TENM2: variants seen among roughly 807,000 people sequenced by gnomAD.
TENM2 encodes the protein teneurin transmembrane protein 2, also known as teneurin-2.
TENM2 carries 52 observed loss-of-function variants against 245.2 expected under a neutral mutation model. The observed-to-expected ratio is 0.21, with a 90% CI of 0.17 to 0.27. TENM2 has a LOEUF of 0.27. Ranked by LOEUF, TENM2 falls within the 10% of genes least tolerant of loss-of-function variation. The pLI is 1.00. For synonymous variants in TENM2, 1,363 were observed against 1,438.9 expected (o/e 0.95, Z 1.19); for missense variants, 3,046 against 3,666.8 (o/e 0.83, Z 4.37).
At chr5:167,173,961 T>G in the TENM2 span, among the ~76,000 whole-genome samples, 5 of 152,306 alleles carry the variant, frequency 3.3e-5, no homozygotes, top group African/African-American at 9.6e-5. Context: ...CCTTATGTGA[T>G]TTTTAATATA....
the TENM2 span, among the ~76,000 whole-genome samples, chr5:167,263,585 G>A: frequency 1.1e-4 from 17 of 152,062 alleles, no homozygotes; most frequent in African/African-American, 4.1e-4. Flanking sequence ...TAATAAATGT[G>A]TCCTTAATCA....
At chr5:167,109,522 C>A in the TENM2 span, among the ~76,000 whole-genome samples, 1 of 152,124 alleles carries the variant, frequency 6.6e-6, no homozygotes, top group Admixed American at 6.5e-5. Context: ...GCTATAAACC[C>A]TTTAAATACA....
At chr5:168,052,718 C>T (rs1320352611) in intron 6 of TENM2, among the ~76,000 whole-genome samples, 1 of 152,022 alleles carries the variant, frequency 6.6e-6, no homozygotes, top group Non-Finnish European at 1.5e-5. Flanking sequence ...AGCTTGAGTT[C>T]CATCATTGCC....
chr5:168,130,514 G>A (rs1347896097), intron 12 of TENM2: 1 of 152,170 alleles, frequency 6.6e-6, no homozygotes, highest in African/African-American at 2.4e-5. Context: ...CACATTGTGT[G>A]GCTAGAAGAG....
At chr5:167,213,121 C>T in the TENM2 span, among the ~76,000 whole-genome samples, 2 of 152,276 alleles carry the variant, frequency 1.3e-5, no homozygotes, top group East Asian at 1.9e-4. Flanking sequence ...CCTGGTGTTT[C>T]GTATCGTGGA....
the TENM2 span, among the ~76,000 whole-genome samples, chr5:167,271,457 A>C: frequency 6.6e-6 from 1 of 152,218 alleles, no homozygotes; most frequent in Admixed American, 6.5e-5. Context: ...GAGAGGGGGA[A>C]AAAAGGCATG....
chr5:167,342,719 G>A (rs534176158), intron 1 of TENM2, among the ~76,000 whole-genome samples: 4 of 151,538 alleles, frequency 2.6e-5, no homozygotes, highest in African/African-American at 9.7e-5. Context: ...AGTAGAGACG[G>A]GGTTTCACCT....
intron 2 of TENM2, among the ~76,000 whole-genome samples, chr5:167,527,397 A>AT (rs950980067): frequency 3.3e-5 from 5 of 151,914 alleles, no homozygotes; most frequent in South Asian, 2.1e-4. Flanking sequence ...TCATGCTATG[A>AT]TTTTTTTTCA....
the TENM2 span, among the ~76,000 whole-genome samples, chr5:167,160,679 C>T: frequency 9.2e-3 from 1,401 of 152,358 alleles, 24 homozygotes; most frequent in African/African-American, 0.032. Context: ...ATCTCCTCCA[C>T]TTATTCTTTT....
At chr5:167,912,498 G>A (rs1279735953) in intron 3 of TENM2, among the ~76,000 whole-genome samples, 2 of 152,220 alleles carry the variant, frequency 1.3e-5, no homozygotes, top group Non-Finnish European at 2.9e-5. Flanking sequence ...GTAGCACATA[G>A]TAGTCACTCA....
intron 2 of TENM2, among the ~76,000 whole-genome samples, chr5:167,556,438 A>ATATG (rs1194971481): frequency 2.0e-5 from 3 of 149,854 alleles, no homozygotes; most frequent in Non-Finnish European, 4.4e-5. Flanking sequence ...ATATATATAT[A>ATATG]TGTATCTGTC....
At chr5:168,157,375 T>C (rs1467277580) in intron 12 of TENM2, among the ~76,000 whole-genome samples, 2 of 152,068 alleles carry the variant, frequency 1.3e-5, no homozygotes, top group South Asian at 2.1e-4. Flanking sequence ...TGGAAAGCTA[T>C]TGAAGTGTTT....
chr5:167,595,539 C>T (rs975087716), intron 2 of TENM2, among the ~76,000 whole-genome samples: 4 of 152,198 alleles, frequency 2.6e-5, no homozygotes, highest in Non-Finnish European at 5.9e-5. Context: ...CAATTACTTT[C>T]TCAAAAAATA....
At chr5:167,653,383 G>A (rs1754607307) in intron 2 of TENM2, 1 of 152,148 alleles carries the variant, frequency 6.6e-6, no homozygotes, top group South Asian at 2.1e-4. Context: ...GGCTTCCAGA[G>A]CAGCTGGAAT....
intron 2 of TENM2, among the ~76,000 whole-genome samples, chr5:167,443,596 C>T (rs950563752): frequency 2.2e-4 from 33 of 152,230 alleles, no homozygotes; most frequent in African/African-American, 7.9e-4. Context: ...TTTAGTAATT[C>T]TCTTAGCAGA....
intron 3 of TENM2, among the ~76,000 whole-genome samples, chr5:167,933,591 C>T (rs1020448189): frequency 3.3e-5 from 5 of 151,994 alleles, no homozygotes; most frequent in Admixed American, 6.6e-5. Context: ...ATAAAAATAT[C>T]GAGCGTTTGC....
intron 2 of TENM2, among the ~76,000 whole-genome samples, chr5:167,764,156 G>T (rs1451395843): frequency 2.0e-5 from 3 of 151,974 alleles, no homozygotes; most frequent in Non-Finnish European, 4.4e-5. Flanking sequence ...ATATTGTTAG[G>T]GATAAATTTG....
At chr5:168,236,417 C>A (rs925411796) in intron 25 of TENM2, among the ~76,000 whole-genome samples, 7 of 152,190 alleles carry the variant, frequency 4.6e-5, no homozygotes, top group African/African-American at 1.7e-4. Context: ...AAGGCCTTTG[C>A]TCATCCCCTG....
At chr5:167,630,566 G>A (rs763484746) in intron 2 of TENM2, among the ~76,000 whole-genome samples, 5 of 152,182 alleles carry the variant, frequency 3.3e-5, no homozygotes, top group Admixed American at 3.3e-4. Flanking sequence ...CCGCAAATAA[G>A]GGGGGAGTTA....
Sources: gnomAD v4.1 joint callset for allele counts (sites outside exome capture counted in the v4.1 genomes callset) on GRCh38, gnomAD v4.1.1 for gene constraint, MANE v1.5 for transcripts, NCBI Gene and HGNC (gene_info 2026-07-23, HGNC 2026-07-21) for gene names.